SMYD3: variants seen among roughly 807,000 people sequenced by gnomAD.
The protein encoded by SMYD3 is SET and MYND domain containing 3, also known as histone-lysine N-methyltransferase SMYD3.
Under a neutral mutation model 57.7 loss-of-function variants are expected in SMYD3, and 36 were observed. The ratio of observed to expected loss-of-function variants is 0.62; its 90% CI spans 0.48 to 0.82. SMYD3 has a LOEUF of 0.82. SMYD3 is among the 40% of genes least tolerant of loss of function. The pLI is 0.00. For missense variants in SMYD3, 515 were observed against 538.8 expected, an observed-to-expected ratio of 0.96 and a Z score of 0.44; for synonymous variants, 211 against 195.0, an observed-to-expected ratio of 1.08 and a Z score of -0.68.
intron 5 of SMYD3, among the ~76,000 whole-genome samples, chr1:246,036,396 G>A (rs1277101104): frequency 6.6e-6 from 1 of 152,098 alleles, no homozygotes; most frequent in Non-Finnish European, 1.5e-5. Context: ...TCCTTCTCCA[G>A]AGGCATCCAA....
chr1:246,363,381 G>A (rs2066039573), intron 1 of SMYD3, among the ~76,000 whole-genome samples: 1 of 152,076 alleles, frequency 6.6e-6, no homozygotes. Flanking sequence ...TGGGAAGTGA[G>A]GAGCCCCTCT....
In SMYD3 at chr1:246,202,998, G is replaced by A. The variant is rs76585443; in HGVS notation, c.531+124203C>T. On this transcript the variant is annotated intron_variant, in intron 5 of 11. Coordinates refer to ENST00000490107, the MANE Select transcript of SMYD3 (RefSeq NM_001167740.2). This position sits in a 1 kb window ranked among gnomAD's most constrained non-coding sequence, Gnocchi z 4.1. ...AATTTAGCTGGTCGTGGTGGTGGGC[G>A]CCTATAATCCCAGCTACTCAGGAGG... is the stretch of plus-strand genomic sequence containing the variant. Among the ~76,000 whole-genome samples the A allele has an allele frequency of 0.021, 3,150 of 152,146 alleles. 228 individuals carry two copies. In the East Asian group the frequency reaches 0.24, roughly 12 times the overall value.
intron 5 of SMYD3, among the ~76,000 whole-genome samples, chr1:246,140,015 T>C (rs962852224): frequency 1.3e-5 from 2 of 152,232 alleles, no homozygotes; most frequent in African/African-American, 2.4e-5. Flanking sequence ...TCATCATGTA[T>C]TGGTTGATCG....
chr1:246,213,245 T>C (rs2063116144), intron 5 of SMYD3, among the ~76,000 whole-genome samples: 1 of 152,152 alleles, frequency 6.6e-6, no homozygotes, highest in Non-Finnish European at 1.5e-5. Flanking sequence ...AGCACTTTTC[T>C]AAACCCAAAC....
At chr1:245,895,481 A>C (rs943602632) in intron 8 of SMYD3, among the ~76,000 whole-genome samples, 2 of 151,478 alleles carry the variant, frequency 1.3e-5, no homozygotes, top group African/African-American at 4.9e-5. Context: ...CTTACAATTT[A>C]TCTAGCAAAA....
intron 5 of SMYD3, among the ~76,000 whole-genome samples, chr1:246,323,687 C>T (rs985158146): frequency 1.2e-4 from 19 of 152,058 alleles, no homozygotes; most frequent in Non-Finnish European, 2.1e-4. Flanking sequence ...AAGTTTTCTG[C>T]CTTGATAGAT....
At chr1:245,994,692 G>T (rs2058887645) in intron 5 of SMYD3, among the ~76,000 whole-genome samples, 1 of 152,072 alleles carries the variant, frequency 6.6e-6, no homozygotes, top group South Asian at 2.1e-4. Context: ...TTAGTTAAGA[G>T]CATATGTTTA....
intron 5 of SMYD3, among the ~76,000 whole-genome samples, chr1:246,022,050 T>C (rs1558158118): frequency 2.0e-5 from 3 of 152,242 alleles, no homozygotes; most frequent in African/African-American, 7.2e-5. Context: ...TGAGCACTGC[T>C]GAACACAGCC....
rs773758616 is a variant in SMYD3, at chr1:245,764,160, C to A, written c.1077-11G>T. 2.5e-6 allele frequency: 4 copies of A among 1,597,082 alleles called. No homozygotes were observed. The African/African-American group carries it at 5.4e-5, about 21-fold the overall frequency. On this transcript the variant is annotated splice_polypyrimidine_tract_variant and intron_variant, in intron 10 of 11. Coordinates refer to ENST00000490107, the MANE Select transcript of SMYD3 (RefSeq NM_001167740.2). Reference sequence around the variant, plus strand: ...CCTGGGAAAAAAATCCTGGAAGAAACCAAACGGCAAACAGTGTCAGCAGCC... The same window carrying A: ...CCTGGGAAAAAAATCCTGGAAGAAAACAAACGGCAAACAGTGTCAGCAGCC...
chr1:246,368,079 A>G (rs2066136248), intron 1 of SMYD3, among the ~76,000 whole-genome samples: 1 of 152,224 alleles, frequency 6.6e-6, no homozygotes, highest in African/African-American at 2.4e-5. Flanking sequence ...TAGTTTCTCC[A>G]ACAGCCTAAG....
intron 5 of SMYD3, among the ~76,000 whole-genome samples, chr1:246,115,502 A>G (rs1349171888): frequency 6.6e-6 from 1 of 152,242 alleles, no homozygotes; most frequent in African/African-American, 2.4e-5. Context: ...AAAAAGCTCA[A>G]GAATAATTTG....
At chr1:245,833,058 A>AC (rs1320395285) in intron 10 of SMYD3, among the ~76,000 whole-genome samples, 6 of 60,318 alleles carry the variant, frequency 9.9e-5, no homozygotes, top group Non-Finnish European at 1.8e-4. Context: ...GGAATATGTG[A>AC]CAAAAAAAAA....
intron 5 of SMYD3, among the ~76,000 whole-genome samples, chr1:246,141,161 T>A (rs1308966479): frequency 6.6e-6 from 1 of 152,184 alleles, no homozygotes; most frequent in Non-Finnish European, 1.5e-5. Context: ...ACACTAAATG[T>A]CTTAGGGTCA....
At chr1:246,479,799 C>T (rs1480553682) in intron 1 of SMYD3, among the ~76,000 whole-genome samples, 2 of 152,152 alleles carry the variant, frequency 1.3e-5, no homozygotes, top group Non-Finnish European at 2.9e-5. Flanking sequence ...TGAGTCACGG[C>T]ACCCAGCCCA....
rs559088835 is a variant in SMYD3, at chr1:245,797,828, C to CAAAAAAAAAAAAAAA, written c.1077-33694_1077-33680dup. On this transcript the variant is annotated intron_variant, in intron 10 of 11. Coordinates refer to ENST00000490107, the MANE Select transcript of SMYD3 (RefSeq NM_001167740.2). ...TGTCCTCTCAATTGCTTCCGGGTTC[C>CAAAAAAAAAAAAAAA]AAAAAAAAAAAAAAAAAAAAGGTGG... 5.8e-3 allele frequency among the ~76,000 whole-genome samples: 632 copies of CAAAAAAAAAAAAAAA among 109,348 alleles called. 16 individuals are homozygous for CAAAAAAAAAAAAAAA. The highest frequency in any genetic ancestry group is 0.026 in the East Asian group (76 of 2,876). The allele number at this position is 109,348 out of a possible 152,430, so 71.7% of individuals were successfully genotyped here. A position where few individuals can be genotyped will look rare whatever the true frequency, so the allele number is the denominator to read the frequency against.
At chr1:246,448,203 C>T (rs2067576193) in intron 1 of SMYD3, among the ~76,000 whole-genome samples, 1 of 152,058 alleles carries the variant, frequency 6.6e-6, no homozygotes, top group African/African-American at 2.4e-5. Context: ...GGAAACAGAG[C>T]GAGACTCCGT....
At chr1:246,313,476 A>G (rs2065111373) in intron 5 of SMYD3, among the ~76,000 whole-genome samples, 1 of 152,214 alleles carries the variant, frequency 6.6e-6, no homozygotes, top group South Asian at 2.1e-4. Context: ...AGGAAATTCT[A>G]TTAAGGATAT....
At position 246,202,558 on chromosome 1, in the gene SMYD3, A is replaced by G. The variant is rs1055570661; in HGVS notation, c.531+124643T>C. Among the ~76,000 whole-genome samples the G allele has an allele frequency of 1.3e-5, 2 of 152,080 alleles. No homozygotes were observed. The highest frequency in any genetic ancestry group is 2.9e-5 in the Non-Finnish European group (2 of 68,010). On this transcript the variant is annotated intron_variant, in intron 5 of 11. Coordinates refer to ENST00000490107, the MANE Select transcript of SMYD3 (RefSeq NM_001167740.2). The surrounding 1 kb of genome is among the most constrained non-coding windows in gnomAD (Gnocchi z 4.1). ...ACTTCTCCCTTTCCTCAGTTCCCCA[A>G]CCCATCACCATCTCCCTCAAATCAT... is the stretch of plus-strand genomic sequence containing the variant.
chr1:246,426,400 T>C (rs954227343), intron 1 of SMYD3, among the ~76,000 whole-genome samples: 3 of 152,150 alleles, frequency 2.0e-5, no homozygotes, highest in African/African-American at 7.2e-5. Flanking sequence ...CATTAGGAGT[T>C]ACTCCCTATC....
Sources: gnomAD v4.1 joint callset for allele counts (sites outside exome capture counted in the v4.1 genomes callset) on GRCh38, gnomAD v4.1.1 for gene constraint, Gnocchi (gnomAD v3.1) non-coding constraint, MANE v1.5 for transcripts, NCBI Gene and HGNC (gene_info 2026-07-23, HGNC 2026-07-21) for gene names.